The following ERICH1 variants were observed in gnomAD, a reference collection of about 807,000 sequenced individuals.
ERICH1 encodes the protein glutamate rich 1.
ERICH1 carries 56 observed loss-of-function variants against 39.6 expected under a neutral mutation model. The ratio of observed to expected loss-of-function variants is 1.41; its 90% CI spans 1.14 to 1.77. ERICH1 has a LOEUF of 1.77. Ranked by LOEUF, ERICH1 falls within the 40% of genes most tolerant of loss-of-function variation. The probability of loss-of-function intolerance (pLI) is 0.00; values close to 1 mark genes in which losing one functional copy is unlikely to be tolerated. For synonymous variants in ERICH1, 313 were observed against 223.6 expected (o/e 1.40, Z -3.57); for missense variants, 826 against 575.4 (o/e 1.44, Z -4.45).
chr8:692,709 T>C lies in ERICH1; in HGVS notation c.170-97A>G, dbSNP rs1218263142. The C allele has an allele frequency of 2.2e-6, 3 of 1,341,820 alleles. 1 individual carries two copies. In the East Asian group the frequency reaches 8.1e-5, roughly 36 times the overall value. 83.1% of individuals were successfully genotyped at this position (1,341,820 alleles called of 1,614,324 possible). A position where few individuals can be genotyped will look rare whatever the true frequency, so the allele number is the denominator to read the frequency against. ...CATCGGCATTGTTTCTCTAAATTCA[T>C]TCAAGACATGAAATCAAAGAGCTCA... On this transcript the variant is annotated intron_variant, in intron 2 of 5. Coordinates refer to ENST00000262109, the MANE Select transcript of ERICH1 (RefSeq NM_207332.3).
intron 2 of ERICH1, among the ~76,000 whole-genome samples, chr8:694,053 A>C (rs1419066307): frequency 6.6e-6 from 1 of 152,236 alleles, no homozygotes; most frequent in Non-Finnish European, 1.5e-5. Context: ...TGGACATCCC[A>C]GCTGGGCTTT....
At chr8:642,902 C>T (rs997994633) in intron 3 of ERICH1, among the ~76,000 whole-genome samples, 5 of 152,170 alleles carry the variant, frequency 3.3e-5, no homozygotes, top group African/African-American at 1.2e-4. Context: ...ACAGGAATCC[C>T]TCAGGCTGTG....
In ERICH1 at chr8:673,932, C is replaced by T; in HGVS notation, c.420G>A (p.Gln140=). The T allele has an allele frequency of 6.2e-7, 1 of 1,612,720 alleles. No individual in the cohort carries two copies. Among genetic ancestry groups the T allele is most frequent in the South Asian group, 1.1e-5 (1 of 90,766 alleles). The change falls in exon 4 of 6, where the codon CAG becomes CAA. Residue 140 remains glutamine, a synonymous_variant. Transcript: ENST00000262109. ...GCTGAGATTTCTCCTGTAACAGACT[C>T]TGCTGTTTCTCTAATTCTGCTTGTT... ...LIEQAELEKQ[Q]SLLQEKSQRQ... is the part of the protein sequence containing the mutation.
chr8:716,293 G>A (rs1815980045), intron 1 of ERICH1, among the ~76,000 whole-genome samples: 2 of 152,254 alleles, frequency 1.3e-5, no homozygotes, highest in Non-Finnish European at 2.9e-5. Flanking sequence ...ACTGCTGGCA[G>A]GTGCTGCCTC....
chr8:630,923 C>T (rs1312548815), intron 3 of ERICH1, among the ~76,000 whole-genome samples: 2 of 151,096 alleles, frequency 1.3e-5, no homozygotes, highest in African/African-American at 4.9e-5. Flanking sequence ...CCCGTGACCA[C>T]CCACACAGAC....
chr8:698,516 G>C (rs1433097530), intron 2 of ERICH1, among the ~76,000 whole-genome samples: 1 of 152,022 alleles, frequency 6.6e-6, no homozygotes, highest in South Asian at 2.1e-4. Flanking sequence ...ACCGTGCCCG[G>C]CCCTGAATTA....
intron 1 of ERICH1, among the ~76,000 whole-genome samples, chr8:728,376 T>G (rs1819281083): frequency 6.6e-6 from 1 of 152,110 alleles, no homozygotes; most frequent in South Asian, 2.1e-4. Flanking sequence ...CTCAACCTGG[T>G]CAACGCCAGA....
At chr8:653,020 C>T (rs1351407082) in intron 3 of ERICH1, among the ~76,000 whole-genome samples, 2 of 152,200 alleles carry the variant, frequency 1.3e-5, no homozygotes, top group South Asian at 4.1e-4. Flanking sequence ...ACGGTACAGC[C>T]ATTGTGGAAG....
At chr8:682,524 T>A (rs1165285391) in intron 3 of ERICH1, among the ~76,000 whole-genome samples, 1 of 152,088 alleles carries the variant, frequency 6.6e-6, no homozygotes, top group African/African-American at 2.4e-5. Flanking sequence ...AATGTCCACA[T>A]CTCCAGGGCA....
chr8:638,648 TG>T (rs1016692709), intron 3 of ERICH1, among the ~76,000 whole-genome samples: 5 of 152,146 alleles, frequency 3.3e-5, no homozygotes, highest in African/African-American at 1.2e-4. Context: ...TGATTCTGCT[TG>T]TGGATAATTT....
rs1269846368 is a variant in ERICH1 at position 731,195 on chromosome 8, C to A, written c.-34G>T. 2.7e-6 allele frequency: 4 copies of A among 1,488,376 alleles called. No homozygotes were observed. The highest frequency in any genetic ancestry group is 1.3e-5 in the South Asian group (1 of 77,732). 92.2% of individuals were successfully genotyped at this position (1,488,376 alleles called of 1,614,324 possible). A position where few individuals can be genotyped will look rare whatever the true frequency, so the allele number is the denominator to read the frequency against. The stretch of plus-strand genomic sequence containing the variant: ...CTGCCGCGGACCTCAGACCACGGCG[C>A]GCGGTCCTGAGCTGAGCGCCGTGCC... On this transcript the variant is annotated 5_prime_UTR_variant, in exon 1 of 6. Coordinates refer to ENST00000262109, the MANE Select transcript of ERICH1 (RefSeq NM_207332.3).
chr8:717,929 C>T (rs1231776202), intron 1 of ERICH1, among the ~76,000 whole-genome samples: 2 of 152,246 alleles, frequency 1.3e-5, no homozygotes, highest in East Asian at 1.9e-4. Context: ...CGCCAGGAGA[C>T]GCTGGGCCCA....
chr8:692,373 A>T, intron 3 of ERICH1, 105 bp downstream of exon 3: 2 of 1,503,956 alleles, frequency 1.3e-6, no homozygotes, highest in Non-Finnish European at 9.0e-7. Context: ...ATGCTCACCC[A>T]CCCCCCAAGT....
intron 1 of ERICH1, among the ~76,000 whole-genome samples, chr8:719,584 C>A (rs1269930758): frequency 2.0e-5 from 3 of 152,184 alleles, no homozygotes; most frequent in African/African-American, 4.8e-5. Context: ...ACCGCGGGAC[C>A]AGATCCTTTT....
intron 4 of ERICH1, chr8:669,039 C>A: frequency 1.9e-6 from 1 of 521,080 alleles, no homozygotes; most frequent in Non-Finnish European, 3.4e-6. Flanking sequence ...CCTGGCCCAT[C>A]TACACCTCTG....
intron 4 of ERICH1, among the ~76,000 whole-genome samples, chr8:672,802 G>C (rs2131854365): frequency 1.3e-5 from 2 of 152,356 alleles, no homozygotes; most frequent in South Asian, 2.1e-4. Context: ...GAGAAATCGT[G>C]CATCCGTTCT....
chr8:622,482 G>A (rs1433754439), intron 3 of ERICH1, among the ~76,000 whole-genome samples: 1 of 152,162 alleles, frequency 6.6e-6, no homozygotes, highest in African/African-American at 2.4e-5. Flanking sequence ...AGAGAACGAA[G>A]CTTTTCTAGA....
At position 692,330 on chromosome 8, in the gene ERICH1, T is replaced by G. The variant is rs561305786; in HGVS notation, c.304+148A>C. 9.1e-5 allele frequency: 106 copies of G among 1,168,500 alleles called. 1 individual carries two copies. In the South Asian group the frequency reaches 1.5e-3, roughly 17 times the overall value. The allele number at this position is 1,168,500 out of a possible 1,614,324, so 72.4% of individuals were successfully genotyped here. A position where few individuals can be genotyped will look rare whatever the true frequency, so the allele number is the denominator to read the frequency against. ...TTTTCACGGCTATAAAATACAAAGG[T>G]ACACCATGTGGTTCATTATACAGTG... On this transcript the variant is annotated intron_variant, in intron 3 of 5. Transcript: ENST00000262109.
chr8:680,756 G>A (rs1411414971), intron 3 of ERICH1, among the ~76,000 whole-genome samples: 3 of 152,190 alleles, frequency 2.0e-5, no homozygotes, highest in Admixed American at 6.5e-5. Context: ...AAAAAGGAAT[G>A]TGCCACCAAC....
Sources: gnomAD v4.1 joint callset for allele counts (sites outside exome capture counted in the v4.1 genomes callset) on GRCh38, gnomAD v4.1.1 for gene constraint, MANE v1.5 for transcripts, NCBI Gene and HGNC (gene_info 2026-07-23, HGNC 2026-07-21) for gene names.